Variants in PHRF1 observed in about 807,000 individuals in gnomAD.
PHRF1 encodes PHD and ring finger domains 1, also known as PHD and RING finger domain-containing protein 1.
Under a neutral mutation model 128.9 loss-of-function variants are expected in PHRF1, and 53 were observed. The observed-to-expected ratio is 0.41, with a 90% confidence interval of 0.33 to 0.52. The LOEUF (loss-of-function observed/expected upper bound fraction) is 0.52, where lower values mean the gene tolerates loss of function less well. Ranked by LOEUF, PHRF1 falls within the 20% of genes least tolerant of loss-of-function variation. The pLI is 0.21. For synonymous variants in PHRF1, 1,178 were observed against 980.6 expected (o/e 1.20, Z -3.76); for missense variants, 2,503 against 2,284.5 (o/e 1.10, Z -1.95).
At chr11:605,083 C>T (rs1589894614) in intron 10 of PHRF1, 36 bp from the exon 11 acceptor site, 4 of 1,578,194 alleles carry the variant, frequency 2.5e-6, no homozygotes, top group Non-Finnish European at 3.5e-6. Flanking sequence ...CCATCCCCGT[C>T]TCTCTGTTCA....
rs1199820608 is a variant in PHRF1, at chr11:606,465, C to T, written c.1478C>T (p.Pro493Leu). 6.3e-7 allele frequency: 1 copy of T among 1,578,574 alleles called. No individual in the cohort carries two copies. The highest frequency in any genetic ancestry group is 2.3e-5 in the East Asian group (1 of 43,276). Residue 493 changes from proline to leucine, a missense_variant, in exon 13 of 18, where the codon CCA (proline) becomes CTA (leucine). Coordinates refer to ENST00000264555, the MANE Select transcript of PHRF1 (RefSeq NM_001286581.2). ...LSRRRLPAAV[P>L]EPDLEEEPVP... ...AGGAGGCGCCTCCCTGCCGCGGTGC[C>T]AGAGCCAGACTTGGAGGAGGAGCCA...
chr11:605,829 G>A lies in PHRF1; in HGVS notation c.1454+105G>A, dbSNP rs558046448. On this transcript the variant is annotated intron_variant, in intron 12 of 17. Coordinates refer to ENST00000264555, the MANE Select transcript of PHRF1 (RefSeq NM_001286581.2). Reference sequence around the variant, plus strand: ...AGCCTGGCTCTCTGTGGCCCTGGGTGGCGTCAGCACCTCCCCTCAGCTGTC... The same window carrying A: ...AGCCTGGCTCTCTGTGGCCCTGGGTAGCGTCAGCACCTCCCCTCAGCTGTC... 75 of 1,443,972 alleles carry A rather than the reference G, an allele frequency of 5.2e-5. No homozygotes were observed. The East Asian group carries it at 1.8e-3, about 35-fold the overall frequency. 89.4% of individuals were successfully genotyped at this position (1,443,972 alleles called of 1,614,324 possible).
chr11:591,526 C>T (rs1854972660), intron 5 of PHRF1, 59 bp downstream of exon 5: 2 of 1,377,922 alleles, frequency 1.5e-6, no homozygotes, highest in African/African-American at 3.0e-5. Context: ...CCCTGTGGGA[C>T]AGAGCATGCT....
chr11:579,335 C>T (rs757983484), intron 1 of PHRF1, among the ~76,000 whole-genome samples: 1 of 151,894 alleles, frequency 6.6e-6, no homozygotes, highest in Admixed American at 6.6e-5. Context: ...GAGTCTGCCT[C>T]CCTCTTTCAG....
intron 1 of PHRF1, among the ~76,000 whole-genome samples, chr11:577,115 A>G (rs915431597): frequency 2.6e-5 from 4 of 152,162 alleles, no homozygotes; most frequent in African/African-American, 9.7e-5. Flanking sequence ...CCTTGTCTGC[A>G]TGTCCACAGG....
chr11:601,499 C>A (rs1213351315), intron 9 of PHRF1, 75 bp from the exon 10 acceptor site: 2 of 1,585,936 alleles, frequency 1.3e-6, no homozygotes, highest in African/African-American at 1.4e-5. Flanking sequence ...GCTCCGTCCA[C>A]TGGGCTGGAC....
chr11:604,468 G>A (rs77038558), intron 10 of PHRF1, among the ~76,000 whole-genome samples: 9 of 152,310 alleles, frequency 5.9e-5, no homozygotes, highest in East Asian at 1.9e-4. Context: ...TAATGACAGC[G>A]CTTAAAATCT....
chr11:581,700 C>T, intron 2 of PHRF1, 94 bp downstream of exon 2: 1 of 1,232,106 alleles, frequency 8.1e-7, no homozygotes, highest in Non-Finnish European at 1.1e-6. Flanking sequence ...CACTTGTCAA[C>T]TTTCAGTCTA....
chr11:610,632 G>A lies in PHRF1; in HGVS notation c.4548G>A (p.Gln1516=). The stretch of plus-strand genomic sequence containing the variant: ...CGCTAGTGGGCTGTGGGGCAGCACA[G>A]ACCCTGGCCCCAGTGCCCGCTGCCC... ...SLPLVGCGAA[Q]TLAPVPAALT... Residue 1516 remains glutamine (Q), a synonymous_variant, in exon 16 of 18, where the codon CAG becomes CAA. Coordinates refer to ENST00000264555, the MANE Select transcript of PHRF1 (RefSeq NM_001286581.2). 6.2e-7 allele frequency: 1 copy of A among 1,605,574 alleles called. No homozygotes were observed. The highest frequency in any genetic ancestry group is 8.5e-7 in the Non-Finnish European group (1 of 1,179,818).
chr11:605,756 G>A (rs759400714), intron 12 of PHRF1, 32 bp downstream of exon 12: 1 of 1,584,604 alleles, frequency 6.3e-7, no homozygotes, highest in South Asian at 1.1e-5. Context: ...TGGGGAGGTG[G>A]GGGCAGCAGT....
At chr11:582,411 C>T (rs773061020) in intron 3 of PHRF1, among the ~76,000 whole-genome samples, 2 of 151,966 alleles carry the variant, frequency 1.3e-5, no homozygotes, top group African/African-American at 2.4e-5. Context: ...ATTACAGGCA[C>T]GCACCATGAC....
chr11:595,607 G>T (rs927736688), intron 6 of PHRF1, among the ~76,000 whole-genome samples: 1 of 152,184 alleles, frequency 6.6e-6, no homozygotes, highest in South Asian at 2.1e-4. Context: ...ATTTAAACTT[G>T]CAGCCAATCT....
intron 9 of PHRF1, among the ~76,000 whole-genome samples, chr11:600,000 G>GT (rs1018968633): frequency 1.3e-5 from 2 of 152,126 alleles, no homozygotes; most frequent in Non-Finnish European, 2.9e-5. Flanking sequence ...TTGGCTGGGT[G>GT]TTTTTTGCAG....
intron 9 of PHRF1, among the ~76,000 whole-genome samples, chr11:600,512 A>ATATATATATATATATATATATATATG (rs1437772767): frequency 1.1e-4 from 16 of 144,530 alleles, no homozygotes; most frequent in African/African-American, 3.9e-4. Context: ...ATATATATAT[A>ATATATATATATATATATATATATATG]TATATATGGT....
rs1335228861 is a variant in PHRF1 at position 597,683 on chromosome 11, G to A, written c.894+113G>A. The A allele has an allele frequency of 6.7e-6, 9 of 1,342,742 alleles. No homozygotes were observed. The highest frequency in any genetic ancestry group is 5.0e-5 in the East Asian group (2 of 39,628). The allele number at this position is 1,342,742 out of a possible 1,614,324, so 83.2% of individuals were successfully genotyped here. ...GGCACTGTGGGGTCCGCCCGGCCCC[G>A]GTGGCTCATGTTGTTCGGCCTGCTG... On this transcript the variant is annotated intron_variant, in intron 8 of 17. Coordinates refer to ENST00000264555, the MANE Select transcript of PHRF1 (RefSeq NM_001286581.2). The surrounding 1 kb of genome is among the most constrained non-coding windows in gnomAD (Gnocchi z 6.5).
rs1386579212 is a variant in PHRF1, at chr11:605,237, C to T, written c.1271C>T (p.Ala424Val). ...PVEPSLGLLR[A>V]DIGAASLSLF... Reference sequence around the variant, plus strand: ...GAGCCCTCTTTGGGGCTGCTGAGAGCGGATATTGGAGCTGCCTCTCTGTCT... The same window carrying T: ...GAGCCCTCTTTGGGGCTGCTGAGAGTGGATATTGGAGCTGCCTCTCTGTCT... Residue 424 changes from alanine (A) to valine (V), a missense_variant, in exon 11 of 18, where the codon GCG becomes GTG. Physicochemically the swap from Ala to Val is moderately conservative, Grantham distance 64. Coordinates refer to ENST00000264555, the MANE Select transcript of PHRF1 (RefSeq NM_001286581.2). 8 of 1,613,442 alleles carry T rather than the reference C, an allele frequency of 5.0e-6. No homozygotes were observed. Among genetic ancestry groups the T allele is most frequent in the East Asian group, 2.2e-5 (1 of 44,880 alleles).
intron 9 of PHRF1, among the ~76,000 whole-genome samples, chr11:600,580 C>T (rs2133020434): frequency 6.6e-6 from 1 of 151,670 alleles, no homozygotes; most frequent in Middle Eastern, 3.4e-3. Flanking sequence ...CCTGTAATCC[C>T]AGCACTTTGG....
intron 3 of PHRF1, among the ~76,000 whole-genome samples, chr11:586,665 C>T (rs1854587063): frequency 6.6e-6 from 1 of 151,970 alleles, no homozygotes; most frequent in Non-Finnish European, 1.5e-5. Flanking sequence ...GAGCATCTCC[C>T]TGCTCCCTGC....
At chr11:601,477 C>T (rs1855621904) in intron 9 of PHRF1, 97 bp from the exon 10 acceptor site, 18 of 1,535,184 alleles carry the variant, frequency 1.2e-5, no homozygotes, top group Non-Finnish European at 1.6e-5. Context: ...TCCCGCTGTA[C>T]CGGCTCCTTG....
Sources: gnomAD v4.1 joint callset for allele counts (sites outside exome capture counted in the v4.1 genomes callset) on GRCh38, gnomAD v4.1.1 for gene constraint, Gnocchi (gnomAD v3.1) non-coding constraint, MANE v1.5 for transcripts, NCBI Gene and HGNC (gene_info 2026-07-23, HGNC 2026-07-21) for gene names.